Variants in LCLAT1 observed in about 807,000 individuals in gnomAD.
LCLAT1 encodes lysocardiolipin acyltransferase 1, also known as 1-AGP acyltransferase 8.
In LCLAT1, 11 loss-of-function variants were observed where a neutral mutation model predicts 30.7. The observed-to-expected ratio is 0.36, with a 90% confidence interval of 0.23 to 0.59. LCLAT1 has a LOEUF of 0.59. Among genes scored for constraint, LCLAT1 ranks in the 20% least tolerant of loss-of-function variants. The probability of loss-of-function intolerance (pLI) is 0.77; values close to 1 mark genes in which losing one functional copy is unlikely to be tolerated. For missense variants in LCLAT1, 402 were observed against 458.6 expected (o/e 0.88, Z 1.13); for synonymous variants, 155 against 151.3 (o/e 1.02, Z -0.18).
chr2:30,462,271 T>A (rs1223681548), intron 1 of LCLAT1, among the ~76,000 whole-genome samples: 1 of 152,116 alleles, frequency 6.6e-6, no homozygotes, highest in Non-Finnish European at 1.5e-5. Flanking sequence ...GGCACTCAGT[T>A]TGTATCTCCA....
intron 2 of LCLAT1, among the ~76,000 whole-genome samples, chr2:30,527,744 G>T (rs1685784902): frequency 6.6e-6 from 1 of 152,152 alleles, no homozygotes; most frequent in Admixed American, 6.5e-5. Flanking sequence ...ACTAAATGAG[G>T]TAATAAATAT....
intron 3 of LCLAT1, among the ~76,000 whole-genome samples, chr2:30,558,328 G>A (rs1665028250): frequency 1.3e-5 from 2 of 152,062 alleles, no homozygotes; most frequent in East Asian, 3.9e-4. Context: ...GGCCAGGCGT[G>A]GTGGCTCATG....
intron 1 of LCLAT1, among the ~76,000 whole-genome samples, chr2:30,478,718 C>A (rs1306359525): frequency 6.9e-6 from 1 of 145,430 alleles, no homozygotes; most frequent in East Asian, 2.0e-4. Flanking sequence ...TAGGTAGATA[C>A]ATAAATTTAA....
At chr2:30,503,341 C>T (rs1273546157) in intron 1 of LCLAT1, among the ~76,000 whole-genome samples, 2 of 152,142 alleles carry the variant, frequency 1.3e-5, no homozygotes, top group Non-Finnish European at 2.9e-5. Context: ...TCACTATGAA[C>T]ATTTATGTGC....
intron 1 of LCLAT1, among the ~76,000 whole-genome samples, chr2:30,514,841 T>A (rs17009601): frequency 9.2e-5 from 14 of 152,098 alleles, no homozygotes; most frequent in African/African-American, 3.4e-4. Flanking sequence ...GTATACTGAT[T>A]GAGTTCATGT....
intron 4 of LCLAT1, among the ~76,000 whole-genome samples, chr2:30,565,288 G>T (rs1214005812): frequency 6.6e-6 from 1 of 152,134 alleles, no homozygotes; most frequent in Non-Finnish European, 1.5e-5. Flanking sequence ...AGGCAGTCTA[G>T]AGGCAGAATT....
intron 4 of LCLAT1, among the ~76,000 whole-genome samples, chr2:30,563,481 A>G (rs934542739): frequency 1.3e-5 from 2 of 152,202 alleles, no homozygotes; most frequent in African/African-American, 4.8e-5. Flanking sequence ...ACTAAAATGT[A>G]CCTTTGATAG....
intron 1 of LCLAT1, among the ~76,000 whole-genome samples, chr2:30,455,244 A>G (rs559527784): frequency 1.3e-5 from 2 of 152,216 alleles, no homozygotes; most frequent in Admixed American, 6.5e-5. Flanking sequence ...TCTCTTTTGT[A>G]TTTGTACTTC....
chr2:30,535,730 G>A (rs745526515), intron 3 of LCLAT1, among the ~76,000 whole-genome samples: 1 of 152,116 alleles, frequency 6.6e-6, no homozygotes, highest in Non-Finnish European at 1.5e-5. Flanking sequence ...ACAGATACCA[G>A]TGTAGGAACA....
chr2:30,642,642 TAAC>T lies in LCLAT1; in HGVS notation c.*2028_*2030del, dbSNP rs1020180082. ...CTCAAGAGGCTCATTGTTCAAGGTG[TAAC>T]AACATTTAATTGCATGTCCTCTAAC... On this transcript the variant is annotated 3_prime_UTR_variant, in exon 6 of 6. Transcript: ENST00000379509. The T allele has an allele frequency of 3.3e-5, 5 of 152,050 alleles. No homozygotes were observed. Among genetic ancestry groups the T allele is most frequent in the Non-Finnish European group, 5.9e-5 (4 of 67,986 alleles). 9.4% of individuals were successfully genotyped at this position (152,050 alleles called of 1,614,324 possible).
At chr2:30,460,029 A>C (rs1342624758) in intron 1 of LCLAT1, among the ~76,000 whole-genome samples, 2 of 152,180 alleles carry the variant, frequency 1.3e-5, no homozygotes, top group African/African-American at 4.8e-5. Flanking sequence ...CATTTTGTTT[A>C]GAGTCGAAAA....
intron 5 of LCLAT1, among the ~76,000 whole-genome samples, chr2:30,586,568 A>C (rs1347225201): frequency 1.3e-5 from 2 of 152,222 alleles, no homozygotes; most frequent in African/African-American, 4.8e-5. Flanking sequence ...GGTTCTTTGC[A>C]GATGTAAAGT....
intron 5 of LCLAT1, among the ~76,000 whole-genome samples, chr2:30,605,811 G>A (rs1026701835): frequency 6.6e-6 from 1 of 152,126 alleles, no homozygotes; most frequent in African/African-American, 2.4e-5. Context: ...ACCAGGCACT[G>A]GTTTTGTGGA....
intron 1 of LCLAT1, among the ~76,000 whole-genome samples, chr2:30,454,771 A>G (rs961240095): frequency 6.6e-6 from 1 of 152,156 alleles, no homozygotes; most frequent in East Asian, 1.9e-4. Flanking sequence ...CATTTTTAAC[A>G]TGGTGATTCA....
At chr2:30,558,315 T>G (rs1665027588) in intron 3 of LCLAT1, among the ~76,000 whole-genome samples, 1 of 152,008 alleles carries the variant, frequency 6.6e-6, no homozygotes, top group African/African-American at 2.4e-5. Flanking sequence ...AAGGTGCTCA[T>G]TTGGCCAGGC....
In LCLAT1 at chr2:30,585,015, A is replaced by G. The variant is rs1666370490; in HGVS notation, c.628+16839A>G. Among the ~76,000 whole-genome samples, 3 of 151,620 alleles carry G rather than the reference A, an allele frequency of 2.0e-5. No individual in the cohort carries two copies. In the South Asian group the frequency reaches 6.2e-4, roughly 32 times the overall value. ...CATGAGTAGAGGTAAGGTTTTATAT[A>G]TCAGAGTGATGTTGTAGCCAAGTTA... On this transcript the variant is annotated intron_variant, in intron 5 of 5. Transcript: ENST00000379509.
chr2:30,563,285 C>T (rs1665326837), intron 4 of LCLAT1, among the ~76,000 whole-genome samples: 1 of 152,152 alleles, frequency 6.6e-6, no homozygotes, highest in East Asian at 1.9e-4. Flanking sequence ...GTCTGTCATC[C>T]TTACTAAATC....
intron 3 of LCLAT1, among the ~76,000 whole-genome samples, chr2:30,539,338 G>C (rs952838334): frequency 7.4e-6 from 1 of 134,346 alleles, no homozygotes; most frequent in African/African-American, 2.8e-5. Context: ...CTGCAATCTT[G>C]AACTGGGCTC....
intron 5 of LCLAT1, among the ~76,000 whole-genome samples, chr2:30,630,877 CAG>C (rs1171312960): frequency 6.6e-6 from 1 of 152,126 alleles, no homozygotes; most frequent in Non-Finnish European, 1.5e-5. Flanking sequence ...ATATATCAGT[CAG>C]AGATTTGCAT....
Sources: gnomAD v4.1 joint callset for allele counts (sites outside exome capture counted in the v4.1 genomes callset) on GRCh38, gnomAD v4.1.1 for gene constraint, MANE v1.5 for transcripts, NCBI Gene and HGNC (gene_info 2026-07-23, HGNC 2026-07-21) for gene names.